The following LRP1B variants were observed in gnomAD, a reference collection of about 807,000 sequenced individuals.
The protein encoded by LRP1B is low-density lipoprotein receptor-related protein 1B.
Under a neutral mutation model 556.6 loss-of-function variants are expected in LRP1B, and 217 were observed. That is an observed-to-expected ratio of 0.39 (90% CI 0.35 to 0.44). The LOEUF (loss-of-function observed/expected upper bound fraction) is 0.44. Ranked by LOEUF, LRP1B falls within the 20% of genes least tolerant of loss-of-function variation. The probability of loss-of-function intolerance (pLI) is 1.00; values close to 1 mark genes in which losing one functional copy is unlikely to be tolerated. For missense variants in LRP1B, 5,053 were observed against 5,620.8 expected, an observed-to-expected ratio of 0.90 and a Z score of 3.23; for synonymous variants, 2,047 against 1,865.8, an observed-to-expected ratio of 1.10 and a Z score of -2.50.
chr2:141,114,173 A>T (rs1700822856), intron 7 of LRP1B, among the ~76,000 whole-genome samples: 1 of 152,238 alleles, frequency 6.6e-6, no homozygotes, highest in Non-Finnish European at 1.5e-5. Flanking sequence ...AGGCAGGTGC[A>T]GGAGCCAGGG....
intron 2 of LRP1B, among the ~76,000 whole-genome samples, chr2:141,752,534 G>A (rs1694151824): frequency 6.6e-6 from 1 of 152,026 alleles, no homozygotes; most frequent in African/African-American, 2.4e-5. Flanking sequence ...GGTCTGCTTA[G>A]GGCTCTGCCA....
intron 2 of LRP1B, among the ~76,000 whole-genome samples, chr2:141,768,876 T>C (rs182544953): frequency 1.6e-3 from 248 of 151,430 alleles, no homozygotes; most frequent in African/African-American, 5.9e-3. Context: ...TACAGATATG[T>C]GTGTGTGTGT....
chr2:140,916,084 G>T (rs1001427878), intron 21 of LRP1B, among the ~76,000 whole-genome samples: 2 of 151,834 alleles, frequency 1.3e-5, no homozygotes, highest in Non-Finnish European at 2.9e-5. Context: ...AATATAGGAG[G>T]CTCATAAAAA....
intron 66 of LRP1B, among the ~76,000 whole-genome samples, chr2:140,414,754 T>G (rs1685111154): frequency 6.6e-6 from 1 of 152,118 alleles, no homozygotes; most frequent in Non-Finnish European, 1.5e-5. Context: ...CTGTACAAAT[T>G]GATTGTAAAA....
chr2:141,876,654 CTA>C lies in LRP1B; in HGVS notation c.83-66255_83-66254del, dbSNP rs1188408413. Among the ~76,000 whole-genome samples the C allele has an allele frequency of 2.0e-5, 3 of 151,886 alleles. No individual in the cohort carries two copies. The East Asian group carries it at 5.8e-4, about 29-fold the overall frequency. On this transcript the variant is annotated intron_variant, in intron 1 of 90. Coordinates refer to ENST00000389484, the MANE Select transcript of LRP1B (RefSeq NM_018557.3). ...CATTTTTTTATAGTAGTAGTTGACA[CTA>C]TGACTTAATTACAGCATGCTGAGTG...
intron 7 of LRP1B, among the ~76,000 whole-genome samples, chr2:141,142,311 A>G (rs923776167): frequency 2.0e-5 from 3 of 152,268 alleles, no homozygotes; most frequent in South Asian, 2.1e-4. Flanking sequence ...TAGCAGTTCA[A>G]TTTCTAACTT....
chr2:141,208,962 T>TA (rs1682419215), intron 6 of LRP1B, among the ~76,000 whole-genome samples: 1 of 141,976 alleles, frequency 7.0e-6, no homozygotes, highest in African/African-American at 2.7e-5. Flanking sequence ...CTGAGGCCTT[T>TA]AAAACAATAT....
chr2:140,389,342 C>T (rs754559850), intron 66 of LRP1B, among the ~76,000 whole-genome samples: 4 of 151,638 alleles, frequency 2.6e-5, no homozygotes, highest in Admixed American at 6.6e-5. Context: ...GGGAGCAAGA[C>T]GTGGAGAAGT....
At chr2:141,428,083 T>C (rs570741972) in intron 3 of LRP1B, among the ~76,000 whole-genome samples, 1 of 152,364 alleles carries the variant, frequency 6.6e-6, no homozygotes, top group African/African-American at 2.4e-5. Flanking sequence ...TTTAATGCAC[T>C]GCTTTTTCAC....
chr2:141,166,810 T>C (rs1680284834), intron 7 of LRP1B, among the ~76,000 whole-genome samples: 1 of 151,962 alleles, frequency 6.6e-6, no homozygotes, highest in African/African-American at 2.4e-5. Flanking sequence ...AATAGCATTC[T>C]TTTAATAATT....
chr2:141,414,110 G>A (rs756611535), intron 3 of LRP1B, among the ~76,000 whole-genome samples: 2 of 151,646 alleles, frequency 1.3e-5, no homozygotes, highest in Admixed American at 6.6e-5. Flanking sequence ...GGTGGCGGGT[G>A]CCTGTAGTCC....
intron 66 of LRP1B, among the ~76,000 whole-genome samples, chr2:140,400,127 G>A (rs1267661851): frequency 2.0e-5 from 3 of 151,224 alleles, no homozygotes; most frequent in Non-Finnish European, 4.4e-5. Flanking sequence ...AATATATGAT[G>A]TCAGTGCCCC....
chr2:140,522,625 A>G (rs1690231266), intron 49 of LRP1B, among the ~76,000 whole-genome samples: 1 of 151,766 alleles, frequency 6.6e-6, no homozygotes, highest in Non-Finnish European at 1.5e-5. Flanking sequence ...ATGAAATAAA[A>G]TGCTGGTTCT....
rs1395895531 is a variant in LRP1B at position 141,147,856 on chromosome 2, CCTTTT to C, written c.1013+40560_1013+40564del. ...CATAAGTTTATAATACCGTATTTTT[CCTTTT>C]CTTTTACCTTTTCTATGTTTAGATA... On this transcript the variant is annotated intron_variant, in intron 7 of 90. Coordinates refer to ENST00000389484, the MANE Select transcript of LRP1B (RefSeq NM_018557.3). 5.3e-5 allele frequency among the ~76,000 whole-genome samples: 8 copies of C among 152,050 alleles called. No homozygotes were observed. The South Asian group carries it at 1.5e-3, about 28-fold the overall frequency.
intron 68 of LRP1B, among the ~76,000 whole-genome samples, chr2:140,375,073 C>T (rs746965945): frequency 1.3e-5 from 2 of 151,844 alleles, no homozygotes; most frequent in Non-Finnish European, 2.9e-5. Flanking sequence ...TGACTAATTG[C>T]ACCCTAAGAA....
At chr2:141,112,047 A>AAAAT (rs1163850427) in intron 7 of LRP1B, among the ~76,000 whole-genome samples, 5,524 of 99,310 alleles carry the variant, frequency 0.056, 393 homozygotes, top group African/African-American at 0.18. Context: ...CCCTGCCTCA[A>AAAAT]AAATAAATAA....
At chr2:141,345,656 A>ATTT (rs758109848) in intron 3 of LRP1B, among the ~76,000 whole-genome samples, 3 of 131,072 alleles carry the variant, frequency 2.3e-5, no homozygotes, top group Admixed American at 7.7e-5. Context: ...TACCTGGCTA[A>ATTT]TTTTTTTTTT....
chr2:141,201,797 C>A (rs1207048015), intron 6 of LRP1B, among the ~76,000 whole-genome samples: 1 of 152,076 alleles, frequency 6.6e-6, no homozygotes, highest in Non-Finnish European at 1.5e-5. Context: ...GGACTGAATA[C>A]TTTTAGTGGA....
chr2:140,427,318 GC>G (rs1685705264), intron 66 of LRP1B, among the ~76,000 whole-genome samples: 1 of 152,066 alleles, frequency 6.6e-6, no homozygotes, highest in African/African-American at 2.4e-5. Context: ...CCACGTTGCA[GC>G]CCAGGGCTGC....
Sources: gnomAD v4.1 joint callset for allele counts (sites outside exome capture counted in the v4.1 genomes callset) on GRCh38, gnomAD v4.1.1 for gene constraint, MANE v1.5 for transcripts, NCBI Gene and HGNC (gene_info 2026-07-23, HGNC 2026-07-21) for gene names.